Variants in OR1C1 observed in about 807,000 individuals in gnomAD.
The protein encoded by OR1C1 is olfactory receptor family 1 subfamily C member 1, also known as olfactory receptor 1C1.
For synonymous variants in OR1C1, 153 were observed against 154.6 expected, an observed-to-expected ratio of 0.99 and a Z score of 0.08; for missense variants, 407 against 384.3, an observed-to-expected ratio of 1.06 and a Z score of -0.49.
rs1661184769 is a variant in OR1C1, at chr1:247,754,954, A to C, written c.*2508T>G. On this transcript the variant is annotated 3_prime_UTR_variant, in exon 2 of 2. Transcript: ENST00000641256. ...ATTTTAAAATGCAATAAAAAGATACAGTAATCAAAAATGGCATGGTACTGG... is the reference window on the plus strand; with the variant it reads ...ATTTTAAAATGCAATAAAAAGATACCGTAATCAAAAATGGCATGGTACTGG... 1 of 152,200 alleles carries C rather than the reference A, an allele frequency of 6.6e-6. No individual in the cohort carries two copies. Among genetic ancestry groups the C allele is most frequent in the Admixed American group, 6.5e-5 (1 of 15,284 alleles). The allele number at this position is 152,200 out of a possible 1,614,324, so 9.4% of individuals were successfully genotyped here. A position where few individuals can be genotyped will look rare whatever the true frequency, so the allele number is the denominator to read the frequency against.
At chr1:247,760,003 C>T (rs76648491) in intron 1 of OR1C1, among the ~76,000 whole-genome samples, 10 of 152,116 alleles carry the variant, frequency 6.6e-5, no homozygotes, top group African/African-American at 2.2e-4. Flanking sequence ...ACAAGCATAA[C>T]AATTCCCCTT....
chr1:247,755,226 G>A lies in OR1C1; in HGVS notation c.*2236C>T, dbSNP rs932319620. 6.6e-6 allele frequency: 1 copy of A among 152,084 alleles called. No individual in the cohort carries two copies. The highest frequency in any genetic ancestry group is 1.5e-5 in the Non-Finnish European group (1 of 67,992). The allele number at this position is 152,084 out of a possible 1,614,324, so 9.4% of individuals were successfully genotyped here. A position where few individuals can be genotyped will look rare whatever the true frequency, so the allele number is the denominator to read the frequency against. ...TATAAAACTAATAGAAGAAAGCACA[G>A]GGGGAAAGCTCTATGACATTGGTAT... On this transcript the variant is annotated 3_prime_UTR_variant, in exon 2 of 2. Transcript: ENST00000641256.
At position 247,756,506 on chromosome 1, in the gene OR1C1, A is replaced by G. The variant is rs1197132273; in HGVS notation, c.*956T>C. ...AGACATTTTAATTCTAGAAAAGGACAAGCAGAAATGATCTTAGTTCATTCT... is the reference window on the plus strand; with the variant it reads ...AGACATTTTAATTCTAGAAAAGGACGAGCAGAAATGATCTTAGTTCATTCT... On this transcript the variant is annotated 3_prime_UTR_variant, in exon 2 of 2. Transcript: ENST00000641256. The surrounding 1 kb of genome is among the most constrained non-coding windows in gnomAD (Gnocchi z 4.3). 1 of 152,192 alleles carries G rather than the reference A, an allele frequency of 6.6e-6. No homozygotes were observed. Among genetic ancestry groups the G allele is most frequent in the African/African-American group, 2.4e-5 (1 of 41,456 alleles). 9.4% of individuals were successfully genotyped at this position (152,192 alleles called of 1,614,324 possible).
Position 247,758,329 on chromosome 1 carries a change from G to A in OR1C1, c.78C>T (p.Leu26=). The change falls in exon 2 of 2, where the codon CTC becomes CTT. Residue 26 remains leucine (L), a synonymous_variant. Coordinates refer to ENST00000641256, the MANE Select transcript of OR1C1 (RefSeq NM_012353.3). ...GLPSSAEQQH[L]LSVLFLCMYL... Reference sequence around the variant, plus strand: ...ACATACAGAGAAAGAGCACAGACAGGAGGTGCTGCTGCTCTGCTGAGCTAG... The same window carrying A: ...ACATACAGAGAAAGAGCACAGACAGAAGGTGCTGCTGCTCTGCTGAGCTAG... 6.2e-7 allele frequency: 1 copy of A among 1,613,114 alleles called. No homozygotes were observed. Among genetic ancestry groups the A allele is most frequent in the East Asian group, 2.2e-5 (1 of 44,866 alleles).
intron 1 of OR1C1, among the ~76,000 whole-genome samples, chr1:247,759,014 A>G (rs1254991746): frequency 6.6e-6 from 1 of 152,092 alleles, no homozygotes. Context: ...GTAGTAAGTC[A>G]TTGAGAGCCC....
rs764116008 is a variant in OR1C1 at position 247,755,025 on chromosome 1, T to C, written c.*2437A>G. 4 of 152,164 alleles carry C rather than the reference T, an allele frequency of 2.6e-5. No individual in the cohort carries two copies. Among genetic ancestry groups the C allele is most frequent in the Non-Finnish European group, 4.4e-5 (3 of 68,002 alleles). 9.4% of individuals were successfully genotyped at this position (152,164 alleles called of 1,614,324 possible). ...AATAAATTGATACATTCATGGTCAATTGATCTTTGACAAAGGTGGTAGGGA... is the reference window on the plus strand; with the variant it reads ...AATAAATTGATACATTCATGGTCAACTGATCTTTGACAAAGGTGGTAGGGA... On this transcript the variant is annotated 3_prime_UTR_variant, in exon 2 of 2. Coordinates refer to ENST00000641256, the MANE Select transcript of OR1C1 (RefSeq NM_012353.3).
At chr1:247,759,552 A>G (rs1661293041) in intron 1 of OR1C1, among the ~76,000 whole-genome samples, 1 of 152,232 alleles carries the variant, frequency 6.6e-6, no homozygotes, top group Admixed American at 6.5e-5. Flanking sequence ...TTTTCTCACA[A>G]TATTCCAAGA....
chr1:247,757,643 G>T lies in OR1C1; in HGVS notation c.764C>A (p.Ala255Asp). 1 of 1,614,080 alleles carries T rather than the reference G, an allele frequency of 6.2e-7. No homozygotes were observed. The part of the protein sequence containing the change: ...LSVVVLFYGT[A>D]IAVYFSPSSP... Reference sequence around the variant, plus strand: ...TGAAGGGCTGAAATAGACGGCGATGGCTGTGCCGTAAAACAACACCACCAC... The same window carrying T: ...TGAAGGGCTGAAATAGACGGCGATGTCTGTGCCGTAAAACAACACCACCAC... Residue 255 changes from alanine (A) to aspartate (D), a missense_variant, in exon 2 of 2, where the codon GCC becomes GAC. Transcript: ENST00000641256.
Position 247,757,405 on chromosome 1 carries a change from T to A in OR1C1, c.*57A>T. On this transcript the variant is annotated 3_prime_UTR_variant, in exon 2 of 2. Transcript: ENST00000641256. ...TCTCTTCTCACTGTTATTGTGAGCA[T>A]CTAGTCACACTTTCTTATCACCACA... 3 of 1,320,848 alleles carry A rather than the reference T, an allele frequency of 2.3e-6. No individual in the cohort carries two copies. Among genetic ancestry groups the A allele is most frequent in the Non-Finnish European group, 3.2e-6 (3 of 939,488 alleles). The allele number at this position is 1,320,848 out of a possible 1,614,324, so 81.8% of individuals were successfully genotyped here.
chr1:247,758,094 C>T lies in OR1C1; in HGVS notation c.313G>A (p.Val105Ile), dbSNP rs552057368. Reference sequence around the variant, plus strand: ...AGGCTGTCCATATTCACAAAAGAAACGAAGAAGAAGAGCTGGGTGAGGCAG... The same window carrying T: ...AGGCTGTCCATATTCACAAAAGAAATGAAGAAGAAGAGCTGGGTGAGGCAG... ...AGCLTQLFFFVSFVNMDSLLL... is the reference protein window; with the variant it reads ...AGCLTQLFFFISFVNMDSLLL... Residue 105 changes from valine to isoleucine, a missense_variant, in exon 2 of 2, where the codon GTT becomes ATT. By Grantham distance (29) the Val-to-Ile change is conservative (BLOSUM62 3). Coordinates refer to ENST00000641256, the MANE Select transcript of OR1C1 (RefSeq NM_012353.3). 51 of 1,614,018 alleles carry T rather than the reference C, an allele frequency of 3.2e-5. No individual in the cohort carries two copies. Among genetic ancestry groups the T allele is most frequent in the East Asian group, 1.1e-4 (5 of 44,848 alleles).
chr1:247,758,616 C>T, intron 1 of OR1C1, 197 bp from the exon 2 acceptor site: 2 of 504,010 alleles, frequency 4.0e-6, no homozygotes, highest in South Asian at 6.3e-5. Context: ...GTCACATAGA[C>T]ATGCTGGACA....
At position 247,757,105 on chromosome 1, in the gene OR1C1, A is replaced by T. The variant is rs1023328383; in HGVS notation, c.*357T>A. ...CCCCTTTAATTCTAAATCTGAACTC[A>T]CAGACAAGAAGTTTAGGAAAATTTA... On this transcript the variant is annotated 3_prime_UTR_variant, in exon 2 of 2. Transcript: ENST00000641256. 1.2e-5 allele frequency: 2 copies of T among 171,414 alleles called. No individual in the cohort carries two copies. Among genetic ancestry groups the T allele is most frequent in the African/African-American group, 4.8e-5 (2 of 42,084 alleles). 10.6% of individuals were successfully genotyped at this position (171,414 alleles called of 1,614,324 possible).
chr1:247,759,300 C>T (rs1374551374), intron 1 of OR1C1, among the ~76,000 whole-genome samples: 1 of 152,182 alleles, frequency 6.6e-6, no homozygotes, highest in African/African-American at 2.4e-5. Context: ...TTTCCTTCAG[C>T]AAACATTTAT....
chr1:247,758,268 C>T lies in OR1C1; in HGVS notation c.139G>A (p.Ala47Thr), dbSNP rs1661263696. The T allele has an allele frequency of 6.2e-7, 1 of 1,613,812 alleles. No individual in the cohort carries two copies. Among genetic ancestry groups the T allele is most frequent in the African/African-American group, 1.3e-5 (1 of 74,884 alleles). The change falls in exon 2 of 2, where the codon GCG (alanine) becomes ACG (threonine). Residue 47 changes from alanine to threonine, a missense_variant. By Grantham distance (58) the Ala-to-Thr change is moderately conservative (BLOSUM62 0). Coordinates refer to ENST00000641256, the MANE Select transcript of OR1C1 (RefSeq NM_012353.3). ...ATTLGNMLII[A>T]TIGFDSHLHS... Reference sequence around the variant, plus strand: ...AGGTGAGAGTCAAAGCCAATCGTCGCAATGATGAGCATGTTCCCCAAGGTG... The same window carrying T: ...AGGTGAGAGTCAAAGCCAATCGTCGTAATGATGAGCATGTTCCCCAAGGTG...
chr1:247,757,781 G>C lies in OR1C1; in HGVS notation c.626C>G (p.Thr209Arg), dbSNP rs12068080. Residue 209 changes from threonine (T) to arginine (R), a missense_variant, in exon 2 of 2, where the codon ACG (threonine) becomes AGG (arginine). By Grantham distance (71) the Thr-to-Arg change is moderately conservative. Coordinates refer to ENST00000641256, the MANE Select transcript of OR1C1 (RefSeq NM_012353.3). ...IFAVGGLLALTPLVCILVSYG... is the reference protein window; with the variant it reads ...IFAVGGLLALRPLVCILVSYG... Reference sequence around the variant, plus strand: ...AGATACGAGGATACAGACAAGGGGCGTGAGAGCCAATAGACCTCCTACTGC... The same window carrying C: ...AGATACGAGGATACAGACAAGGGGCCTGAGAGCCAATAGACCTCCTACTGC... 6.8e-6 allele frequency: 11 copies of C among 1,613,852 alleles called. No individual in the cohort carries two copies. In the East Asian group the frequency reaches 2.2e-4, roughly 33 times the overall value.
In OR1C1 at chr1:247,758,214, T is replaced by C. The variant is rs1182925895; in HGVS notation, c.193A>G (p.Asn65Asp). ...AAGCAGATGTCAACAAAGGCCAAGT[T>C]ACTAAGGAAGAAGTACATAGGGGAA... The part of the protein sequence containing the change: ...LHSPMYFFLS[N>D]LAFVDICFTS... Residue 65 changes from asparagine (N) to aspartate (D), a missense_variant, in exon 2 of 2, where the codon AAC becomes GAC. Transcript: ENST00000641256. 13 of 1,613,962 alleles carry C rather than the reference T, an allele frequency of 8.1e-6. No homozygotes were observed. The highest frequency in any genetic ancestry group is 1.1e-5 in the Non-Finnish European group (13 of 1,179,980).
chr1:247,760,436 A>C lies in OR1C1; in HGVS notation c.-38T>G, dbSNP rs548792631. The C allele has an allele frequency of 6.6e-6, 1 of 152,172 alleles. No homozygotes were observed. The highest frequency in any genetic ancestry group is 2.4e-5 in the African/African-American group (1 of 41,454). The allele number at this position is 152,172 out of a possible 1,614,324, so 9.4% of individuals were successfully genotyped here. Reference sequence around the variant, plus strand: ...CCCTTTTCTGAGACCTTTGCCACCTATGACTTTTCTCTTTCCTGAATATCC... The same window carrying C: ...CCCTTTTCTGAGACCTTTGCCACCTCTGACTTTTCTCTTTCCTGAATATCC... On this transcript the variant is annotated 5_prime_UTR_variant, in exon 1 of 2. Transcript: ENST00000641256.
chr1:247,757,565 A>G lies in OR1C1; in HGVS notation c.842T>C (p.Val281Ala), dbSNP rs758050220. The G allele has an allele frequency of 7.4e-6, 12 of 1,614,062 alleles. No homozygotes were observed. Among genetic ancestry groups the G allele is most frequent in the Non-Finnish European group, 1.0e-5 (12 of 1,180,006 alleles). Residue 281 changes from valine to alanine, a missense_variant, in exon 2 of 2, where the codon GTG becomes GCG. By Grantham distance (64) the Val-to-Ala change is moderately conservative. Transcript: ENST00000641256. ...DTLSTIMYSM[V>A]APMLNPFIYT... ...GATGAAAGGATTCAGCATCGGAGCC[A>G]CCATTGAATACATGATGGTTGACAG...
In OR1C1 at chr1:247,758,017, T is replaced by TA. The variant is rs1661254079; in HGVS notation, c.389dup (p.Leu130PhefsTer51). ...ACAGGTTCATTCTGGCGGTGTAATGTAAGGGGTGGCAAATCGCCACATATC... is the reference window on the plus strand; with the variant it reads ...ACAGGTTCATTCTGGCGGTGTAATGTAAAGGGGTGGCAAATCGCCACATATC... On this transcript the variant is annotated frameshift_variant, in exon 2 of 2. Transcript: ENST00000641256. LOFTEE classifies it low-confidence loss of function (END_TRUNC). The TA allele has an allele frequency of 4.3e-6, 7 of 1,614,030 alleles. No homozygotes were observed. Among genetic ancestry groups the TA allele is most frequent in the Non-Finnish European group, 5.9e-6 (7 of 1,179,990 alleles).
Sources: gnomAD v4.1 joint callset for allele counts (sites outside exome capture counted in the v4.1 genomes callset) on GRCh38, gnomAD v4.1.1 for gene constraint, Gnocchi (gnomAD v3.1) non-coding constraint, MANE v1.5 for transcripts, NCBI Gene and HGNC (gene_info 2026-07-23, HGNC 2026-07-21) for gene names.